UNC5C: variants seen among roughly 807,000 people sequenced by gnomAD.
UNC5C encodes the protein netrin receptor UNC5C.
UNC5C carries 47 observed loss-of-function variants against 99.8 expected under a neutral mutation model. The ratio of observed to expected loss-of-function variants is 0.47; its 90% CI spans 0.37 to 0.60. The LOEUF is 0.60. Ranked by LOEUF, UNC5C falls within the 20% of genes least tolerant of loss-of-function variation. The probability of loss-of-function intolerance (pLI) is 0.00; values close to 1 mark genes in which losing one functional copy is unlikely to be tolerated. For synonymous variants in UNC5C, 487 were observed against 452.2 expected, an observed-to-expected ratio of 1.08 and a Z score of -0.98; for missense variants, 1,062 against 1,165.9, an observed-to-expected ratio of 0.91 and a Z score of 1.30.
At chr4:95,284,744 T>C (rs1741174339) in intron 3 of UNC5C, among the ~76,000 whole-genome samples, 1 of 152,174 alleles carries the variant, frequency 6.6e-6, no homozygotes, top group Non-Finnish European at 1.5e-5. Flanking sequence ...CAAAACTAAT[T>C]GTCTGTCTCC....
chr4:95,341,357 A>T (rs537005366), intron 1 of UNC5C, among the ~76,000 whole-genome samples: 1 of 152,210 alleles, frequency 6.6e-6, no homozygotes, highest in South Asian at 2.1e-4. Flanking sequence ...TGGCCAATAG[A>T]AATAAGAAAG....
chr4:95,205,558 AT>A lies in UNC5C; in HGVS notation c.1902+1069del, dbSNP rs1314188706. ...ATTAGGAGCTGGAATCTTCATGTGT[AT>A]TTTTTCTAAGAATTTTTTCCTAAAA... On this transcript the variant is annotated intron_variant, in intron 11 of 15. Transcript: ENST00000453304. Among the ~76,000 whole-genome samples the A allele has an allele frequency of 2.0e-5, 3 of 152,122 alleles. No homozygotes were observed. In the East Asian group the frequency reaches 5.8e-4, roughly 29 times the overall value.
rs1485406375 is a variant in UNC5C at position 95,179,762 on chromosome 4, A to AG, written c.2451+3134_2451+3135insC. ...ACTCCTTCTCAAAAAAAAAAAAAAA[A>AG]AAAGAAAAAGATGACTGACTAATAA... is the stretch of plus-strand genomic sequence containing the variant. On this transcript the variant is annotated intron_variant, in intron 14 of 15. Transcript: ENST00000453304. 4.3e-3 allele frequency among the ~76,000 whole-genome samples: 656 copies of AG among 151,588 alleles called. 2 individuals are homozygous for AG. The highest frequency in any genetic ancestry group is 0.015 in the African/African-American group (628 of 41,372).
chr4:95,303,204 G>A (rs1741938405), intron 2 of UNC5C, among the ~76,000 whole-genome samples: 1 of 152,130 alleles, frequency 6.6e-6, no homozygotes, highest in Admixed American at 6.5e-5. Flanking sequence ...GGCCCCCAGA[G>A]CAGCTTCATC....
At chr4:95,198,410 G>T (rs1318155502) in intron 12 of UNC5C, among the ~76,000 whole-genome samples, 1 of 151,852 alleles carries the variant, frequency 6.6e-6, no homozygotes, top group Non-Finnish European at 1.5e-5. Context: ...TGGCAGTGGA[G>T]CAATTGCTAA....
At chr4:95,541,480 T>C (rs1722919232) in intron 1 of UNC5C, among the ~76,000 whole-genome samples, 1 of 152,160 alleles carries the variant, frequency 6.6e-6, no homozygotes, top group African/African-American at 2.4e-5. Flanking sequence ...ATGAATTTCT[T>C]TTACTTGTAA....
chr4:95,329,013 G>T (rs1182705259), intron 2 of UNC5C, among the ~76,000 whole-genome samples: 18 of 152,148 alleles, frequency 1.2e-4, no homozygotes, highest in Admixed American at 1.2e-3. Context: ...TGTCCCAGAA[G>T]GGGTGGAGGG....
chr4:95,265,979 C>T (rs1740432944), intron 4 of UNC5C, among the ~76,000 whole-genome samples: 1 of 152,174 alleles, frequency 6.6e-6, no homozygotes, highest in Non-Finnish European at 1.5e-5. Context: ...TAACTTGACC[C>T]TACACAAAGC....
At position 95,242,579 on chromosome 4, in the gene UNC5C, T is replaced by C; in HGVS notation, c.958A>G (p.Thr320Ala). Residue 320 changes from threonine (T) to alanine (A), a missense_variant, in exon 7 of 16, where the codon ACG becomes GCG. This residue lies in a region of UNC5C where 810 missense variants were observed against 854.5 expected (regional missense o/e 0.95). Coordinates refer to ENST00000453304, the MANE Select transcript of UNC5C (RefSeq NM_003728.4). The part of the protein sequence containing the change: ...TTLCPVDGRW[T>A]PWSKWSTCGT... ...CAAGTAGACCACTTGCTCCATGGCG[T>C]CCACCTGCCATCCACTGCCATGGAA... The C allele has an allele frequency of 6.3e-7, 1 of 1,586,050 alleles. No homozygotes were observed. The highest frequency in any genetic ancestry group is 8.6e-7 in the Non-Finnish European group (1 of 1,164,520).
intron 12 of UNC5C, among the ~76,000 whole-genome samples, chr4:95,199,660 G>A (rs887293387): frequency 2.0e-5 from 3 of 152,122 alleles, no homozygotes; most frequent in African/African-American, 7.2e-5. Flanking sequence ...ATTTGTGTGT[G>A]TTTATTGGGA....
chr4:95,261,712 T>TTC (rs1165039233), intron 4 of UNC5C, among the ~76,000 whole-genome samples: 2 of 151,770 alleles, frequency 1.3e-5, no homozygotes, highest in East Asian at 3.9e-4. Context: ...GAATTCCTTT[T>TTC]TTTTTTTTTG....
At chr4:95,463,078 C>G (rs937385325) in intron 1 of UNC5C, among the ~76,000 whole-genome samples, 9 of 152,192 alleles carry the variant, frequency 5.9e-5, no homozygotes, top group African/African-American at 2.2e-4. Flanking sequence ...ATGCTGTGCT[C>G]TCTCCACTAA....
At chr4:95,331,219 C>G (rs1451093824) in intron 2 of UNC5C, among the ~76,000 whole-genome samples, 1 of 152,054 alleles carries the variant, frequency 6.6e-6, no homozygotes, top group Non-Finnish European at 1.5e-5. Context: ...TGATTATCCA[C>G]TGATGGGTAC....
intron 1 of UNC5C, among the ~76,000 whole-genome samples, chr4:95,410,924 T>C (rs1410834260): frequency 6.6e-6 from 1 of 152,150 alleles, no homozygotes. Flanking sequence ...CTGGACCTTC[T>C]AATGGTTTGG....
chr4:95,332,995 G>A (rs1195345902), intron 2 of UNC5C, among the ~76,000 whole-genome samples: 2 of 152,158 alleles, frequency 1.3e-5, no homozygotes, highest in Non-Finnish European at 2.9e-5. Context: ...GGCCATCAGA[G>A]AAATGCAAAT....
intron 1 of UNC5C, among the ~76,000 whole-genome samples, chr4:95,445,334 C>T (rs1578167601): frequency 6.7e-6 from 1 of 149,786 alleles, no homozygotes; most frequent in African/African-American, 2.5e-5. Flanking sequence ...AGAAATGAAT[C>T]TTTTTTTTTT....
intron 4 of UNC5C, among the ~76,000 whole-genome samples, chr4:95,273,291 G>A (rs1282625256): frequency 6.6e-6 from 1 of 152,172 alleles, no homozygotes; most frequent in African/African-American, 2.4e-5. Context: ...AAAGGTGAAA[G>A]AAATCACAGG....
chr4:95,524,080 A>T (rs558990175), intron 1 of UNC5C, among the ~76,000 whole-genome samples: 1 of 152,326 alleles, frequency 6.6e-6, no homozygotes, highest in Non-Finnish European at 1.5e-5. Context: ...GTTTAAAAAC[A>T]TGTTGGAAAA....
At position 95,219,384 on chromosome 4, in the gene UNC5C, C is replaced by T. The variant is rs1738382155; in HGVS notation, c.1301-71G>A. 2.1e-6 allele frequency: 3 copies of T among 1,454,184 alleles called. No individual in the cohort carries two copies. The Admixed American group carries it at 5.9e-5, about 29-fold the overall frequency. 90.1% of individuals were successfully genotyped at this position (1,454,184 alleles called of 1,614,324 possible). On this transcript the variant is annotated intron_variant, in intron 8 of 15. Coordinates refer to ENST00000453304, the MANE Select transcript of UNC5C (RefSeq NM_003728.4). ...GCCAACCTACATTAGTCAGACTCCC[C>T]CTCACACTTTCTGAGCCGAAAGTAA...
Sources: gnomAD v4.1 joint callset for allele counts (sites outside exome capture counted in the v4.1 genomes callset) on GRCh38, gnomAD v4.1.1 for gene constraint, gnomAD v4.1.1 regional missense constraint, MANE v1.5 for transcripts, NCBI Gene and HGNC (gene_info 2026-07-23, HGNC 2026-07-21) for gene names.